FYN: variants seen among roughly 807,000 people sequenced by gnomAD.
FYN encodes tyrosine-protein kinase Fyn.
In FYN, 10 loss-of-function variants were observed where a neutral mutation model predicts 70.2. The ratio of observed to expected loss-of-function variants is 0.14; its 90% CI spans 0.09 to 0.24. The LOEUF (loss-of-function observed/expected upper bound fraction) is 0.24, where lower values mean the gene tolerates loss of function less well. FYN is among the 10% of genes least tolerant of loss of function. FYN has a pLI of 1.00. For missense variants in FYN, 319 were observed against 673.1 expected, an observed-to-expected ratio of 0.47 and a Z score of 5.82; for synonymous variants, 236 against 248.6, an observed-to-expected ratio of 0.95 and a Z score of 0.48.
rs143064904 is a variant in FYN, at chr6:111,758,625, G to C, written c.-12+21941C>G. 4.6e-5 allele frequency among the ~76,000 whole-genome samples: 7 copies of C among 152,328 alleles called. No individual in the cohort carries two copies. The East Asian group carries it at 1.4e-3, about 29-fold the overall frequency. The stretch of plus-strand genomic sequence containing the variant: ...AGACTGGAGGACGACCTTTTCTCCT[G>C]AACTCCTGTTCTCCACTGGGCATTT... On this transcript the variant is annotated intron_variant, in intron 3 of 13. Coordinates refer to ENST00000354650, the MANE Select transcript of FYN (RefSeq NM_002037.5).
chr6:111,839,468 T>C (rs1773288604), intron 2 of FYN, among the ~76,000 whole-genome samples: 1 of 152,074 alleles, frequency 6.6e-6, no homozygotes, highest in Non-Finnish European at 1.5e-5. Context: ...AGTGACTCGA[T>C]GAGAGATGTA....
At chr6:111,756,571 T>C (rs1802746720) in intron 3 of FYN, among the ~76,000 whole-genome samples, 1 of 152,076 alleles carries the variant, frequency 6.6e-6, no homozygotes, top group Admixed American at 6.5e-5. Flanking sequence ...GTAAAAATCC[T>C]AAATAAAATA....
At chr6:111,662,347 CG>C (rs1200093854) in intron 13 of FYN, among the ~76,000 whole-genome samples, 1 of 152,170 alleles carries the variant, frequency 6.6e-6, no homozygotes, top group Non-Finnish European at 1.5e-5. Flanking sequence ...TCAGGGTCAA[CG>C]GGTCAACAAA....
At chr6:111,819,953 C>A (rs1772606093) in intron 2 of FYN, 1 of 152,228 alleles carries the variant, frequency 6.6e-6, no homozygotes. Context: ...ACTCATCCAT[C>A]CCTGACAAAA....
intron 3 of FYN, among the ~76,000 whole-genome samples, chr6:111,732,187 T>C (rs1015061262): frequency 1.3e-5 from 2 of 152,248 alleles, no homozygotes; most frequent in East Asian, 1.9e-4. Context: ...TGGGTTTACA[T>C]ACCAGCATAC....
intron 2 of FYN, among the ~76,000 whole-genome samples, chr6:111,806,333 G>A (rs1422419152): frequency 6.6e-6 from 1 of 152,086 alleles, no homozygotes; most frequent in Non-Finnish European, 1.5e-5. Context: ...AGAGGAGGAG[G>A]GGGTGGGACA....
chr6:111,825,164 T>C (rs1003049000), intron 2 of FYN, among the ~76,000 whole-genome samples: 2 of 152,232 alleles, frequency 1.3e-5, no homozygotes, highest in East Asian at 1.9e-4. Context: ...CAGCTCTCCA[T>C]GGTCCCGAAC....
Position 111,719,881 on chromosome 6 carries a change from C to A in FYN, c.171G>T (p.Gly57=), listed in dbSNP as rs559613703. ...IPNYNNFHAA[G]GQGLTVFGGV... ...CTCCAAAGACGGTGAGTCCTTGGCC[C>A]CCGGCTGCGTGGAAGTTGTTGTAGT... is the stretch of plus-strand genomic sequence containing the variant. The change falls in exon 4 of 14, where the codon GGG becomes GGT. Residue 57 remains glycine, a synonymous_variant. Transcript: ENST00000354650. 1 of 1,614,126 alleles carries A rather than the reference C, an allele frequency of 6.2e-7. No individual in the cohort carries two copies. Among genetic ancestry groups the A allele is most frequent in the South Asian group, 1.1e-5 (1 of 91,080 alleles).
At chr6:111,786,621 A>G (rs989001459) in intron 2 of FYN, among the ~76,000 whole-genome samples, 1 of 152,184 alleles carries the variant, frequency 6.6e-6, no homozygotes, top group African/African-American at 2.4e-5. Flanking sequence ...CTAGTTCTAG[A>G]TCCTTGAGGA....
intron 9 of FYN, among the ~76,000 whole-genome samples, chr6:111,698,714 T>A (rs986761782): frequency 5.9e-5 from 9 of 152,142 alleles, no homozygotes; most frequent in Non-Finnish European, 1.2e-4. Flanking sequence ...GAAGTATGTA[T>A]CTCTACTGAA....
At chr6:111,829,515 T>G (rs570548808) in intron 2 of FYN, among the ~76,000 whole-genome samples, 2 of 152,096 alleles carry the variant, frequency 1.3e-5, no homozygotes, top group African/African-American at 4.8e-5. Flanking sequence ...GGAGCTCAGA[T>G]TGTTAAGCAC....
chr6:111,675,169 G>A (rs900109207), intron 12 of FYN, among the ~76,000 whole-genome samples: 1 of 152,134 alleles, frequency 6.6e-6, no homozygotes. Flanking sequence ...CACATTTGCT[G>A]TTTTTCCTCC....
chr6:111,815,934 A>C (rs771645676), intron 2 of FYN, among the ~76,000 whole-genome samples: 2 of 152,104 alleles, frequency 1.3e-5, no homozygotes, highest in Non-Finnish European at 2.9e-5. Context: ...TCCTAAGCTC[A>C]AGCAATCCAC....
intron 9 of FYN, among the ~76,000 whole-genome samples, chr6:111,698,134 T>TC (rs1799655616): frequency 6.6e-6 from 1 of 152,010 alleles, no homozygotes; most frequent in African/African-American, 2.4e-5. Flanking sequence ...TCTTTTTTTT[T>TC]CTTTTCTTGA....
intron 3 of FYN, among the ~76,000 whole-genome samples, chr6:111,752,546 T>C (rs995080505): frequency 6.6e-6 from 1 of 152,168 alleles, no homozygotes; most frequent in Non-Finnish European, 1.5e-5. Context: ...GGTTGAGACA[T>C]TCCTGGCCAC....
chr6:111,732,476 C>T (rs897618569), intron 3 of FYN, among the ~76,000 whole-genome samples: 4 of 152,124 alleles, frequency 2.6e-5, no homozygotes, highest in South Asian at 2.1e-4. Flanking sequence ...TGAAAGTAAG[C>T]GAGCGGTGGA....
In FYN at chr6:111,696,347, G is replaced by A. The variant is rs1799573509; in HGVS notation, c.972C>T (p.Asp324=). 6.2e-7 allele frequency: 1 copy of A among 1,613,976 alleles called. No homozygotes were observed. The highest frequency in any genetic ancestry group is 8.5e-7 in the Non-Finnish European group (1 of 1,179,946). The change falls in exon 10 of 14, where the codon GAC becomes GAT. Residue 324 remains aspartate (D), a synonymous_variant. Coordinates refer to ENST00000354650, the MANE Select transcript of FYN (RefSeq NM_002037.5). ...EAQIMKKLKH[D]KLVQLYAVVS... ...CCACTGCATAGAGCTGGACCAGCTT[G>A]TCGTGCTTCAGCTTCTTCATGATCT...
chr6:111,868,181 C>T (rs1774168220), intron 1 of FYN, among the ~76,000 whole-genome samples: 1 of 152,036 alleles, frequency 6.6e-6, no homozygotes, highest in African/African-American at 2.4e-5. Flanking sequence ...CCTACATGGA[C>T]CCCTAAAATC....
At chr6:111,735,883 G>A (rs1021541379) in intron 3 of FYN, among the ~76,000 whole-genome samples, 3 of 152,194 alleles carry the variant, frequency 2.0e-5, no homozygotes, top group Non-Finnish European at 4.4e-5. Context: ...GGCTGCAGAG[G>A]TGATCTACTT....
Sources: gnomAD v4.1 joint callset for allele counts (sites outside exome capture counted in the v4.1 genomes callset) on GRCh38, gnomAD v4.1.1 for gene constraint, MANE v1.5 for transcripts, NCBI Gene and HGNC (gene_info 2026-07-23, HGNC 2026-07-21) for gene names.